Variants in ADARB2 observed in about 807,000 individuals in gnomAD.
ADARB2 encodes the protein adenosine deaminase RNA specific B2 (inactive), also known as inactive double-stranded RNA-specific editase B2.
Under a neutral mutation model 62.2 loss-of-function variants are expected in ADARB2, and 25 were observed. That is an observed-to-expected ratio of 0.40 (90% CI 0.29 to 0.56). The LOEUF (loss-of-function observed/expected upper bound fraction) is 0.56. ADARB2 is among the 20% of genes least tolerant of loss of function. ADARB2 has a pLI of 0.43. For missense variants in ADARB2, 1,071 were observed against 1,077.4 expected (o/e 0.99, Z 0.08); for synonymous variants, 572 against 500.8 (o/e 1.14, Z -1.90).
At chr10:1,421,588 C>G (rs967624307) in intron 1 of ADARB2, among the ~76,000 whole-genome samples, 1 of 152,130 alleles carries the variant, frequency 6.6e-6, no homozygotes, top group Admixed American at 6.5e-5. Context: ...TAGCAGTGAA[C>G]AAAGTGGACA....
intron 1 of ADARB2, among the ~76,000 whole-genome samples, chr10:1,712,134 G>C (rs1483288339): frequency 6.6e-6 from 1 of 152,200 alleles, no homozygotes; most frequent in Non-Finnish European, 1.5e-5. Context: ...GTTCGAAGCT[G>C]TATTTAAAAC....
At chr10:1,491,069 TTTAA>T (rs1427960917) in intron 1 of ADARB2, among the ~76,000 whole-genome samples, 1 of 152,172 alleles carries the variant, frequency 6.6e-6, no homozygotes, top group African/African-American at 2.4e-5. Flanking sequence ...TATGTATTTA[TTTAA>T]TTGTTATTAT....
At chr10:1,544,305 C>T (rs1268361646) in intron 1 of ADARB2, among the ~76,000 whole-genome samples, 1 of 152,224 alleles carries the variant, frequency 6.6e-6, no homozygotes, top group Non-Finnish European at 1.5e-5. Flanking sequence ...CGTTGGTCAC[C>T]ACCTGGTGGG....
intron 1 of ADARB2, among the ~76,000 whole-genome samples, chr10:1,721,672 G>C (rs1356048493): frequency 6.6e-6 from 1 of 152,214 alleles, no homozygotes; most frequent in Non-Finnish European, 1.5e-5. Flanking sequence ...CAAATGTACA[G>C]AGGGCCTTGT....
intron 3 of ADARB2, among the ~76,000 whole-genome samples, chr10:1,286,643 T>G (rs1012258844): frequency 6.6e-6 from 1 of 152,212 alleles, no homozygotes; most frequent in Admixed American, 6.5e-5. Flanking sequence ...CCCAGCTGCA[T>G]GACCACTACG....
At chr10:1,359,221 C>G (rs1832226212) in intron 3 of ADARB2, among the ~76,000 whole-genome samples, 1 of 152,170 alleles carries the variant, frequency 6.6e-6, no homozygotes, top group South Asian at 2.1e-4. Context: ...GGCAGGTGCA[C>G]CTGAGCAGGC....
chr10:1,564,679 A>G (rs1048394598), intron 1 of ADARB2, among the ~76,000 whole-genome samples: 5 of 152,236 alleles, frequency 3.3e-5, no homozygotes, highest in African/African-American at 1.2e-4. Flanking sequence ...ATCACTGGCC[A>G]TCAGAGAAAT....
intron 8 of ADARB2, chr10:1,187,793 G>A: frequency 2.5e-6 from 1 of 397,782 alleles, no homozygotes. Context: ...AGCGAGGGAG[G>A]CGCTGGCGGG....
At chr10:1,566,076 A>C (rs892183510) in intron 1 of ADARB2, among the ~76,000 whole-genome samples, 63 of 61,000 alleles carry the variant, frequency 1.0e-3, no homozygotes, top group Non-Finnish European at 1.6e-3. Flanking sequence ...AAAAAAAAAA[A>C]AAAAAAAAAA....
intron 1 of ADARB2, among the ~76,000 whole-genome samples, chr10:1,604,703 C>T (rs1833473064): frequency 6.6e-6 from 1 of 152,236 alleles, no homozygotes; most frequent in Non-Finnish European, 1.5e-5. Context: ...TTACCTGTAA[C>T]CGGTCCTTGT....
chr10:1,504,390 T>G (rs1043649888), intron 1 of ADARB2, among the ~76,000 whole-genome samples: 3 of 152,164 alleles, frequency 2.0e-5, no homozygotes, highest in South Asian at 2.1e-4. Flanking sequence ...CCCTCTTTAA[T>G]GGGAAATAAT....
chr10:1,664,931 G>A (rs1427655389), intron 1 of ADARB2, among the ~76,000 whole-genome samples: 1 of 152,182 alleles, frequency 6.6e-6, no homozygotes, highest in Non-Finnish European at 1.5e-5. Context: ...GTTGAGAAGG[G>A]AAATCAAGAA....
At chr10:1,724,491 C>G (rs1403409972) in intron 1 of ADARB2, among the ~76,000 whole-genome samples, 1 of 152,144 alleles carries the variant, frequency 6.6e-6, no homozygotes, top group Non-Finnish European at 1.5e-5. Flanking sequence ...AGAGCCAGTC[C>G]CCCAAACCCC....
intron 1 of ADARB2, among the ~76,000 whole-genome samples, chr10:1,439,524 G>A (rs11250517): frequency 0.016 from 1,497 of 94,196 alleles, 20 homozygotes; most frequent in East Asian, 0.084. Flanking sequence ...GGCCCTTCAC[G>A]ATGGGGCTCC....
At chr10:1,397,023 C>T (rs28645334) in intron 1 of ADARB2, among the ~76,000 whole-genome samples, 8 of 12,496 alleles carry the variant, frequency 6.4e-4, no homozygotes, top group South Asian at 5.8e-3. Flanking sequence ...TCACCATCAG[C>T]CTCTCCCCTC....
chr10:1,615,513 G>C (rs1302455345), intron 1 of ADARB2, among the ~76,000 whole-genome samples: 1 of 152,232 alleles, frequency 6.6e-6, no homozygotes, highest in Non-Finnish European at 1.5e-5. Flanking sequence ...CCACCCGGGA[G>C]AGTGTGTCTT....
intron 1 of ADARB2, among the ~76,000 whole-genome samples, chr10:1,512,414 A>G (rs1588283313): frequency 6.6e-6 from 1 of 151,006 alleles, no homozygotes; most frequent in Non-Finnish European, 1.5e-5. Context: ...TACATCAATT[A>G]AGTCTACACT....
chr10:1,643,429 C>T (rs1037566526), intron 1 of ADARB2, among the ~76,000 whole-genome samples: 4 of 152,216 alleles, frequency 2.6e-5, no homozygotes, highest in African/African-American at 7.2e-5. Context: ...TTTTCCCAGA[C>T]TGGAGGGCTA....
intron 1 of ADARB2, among the ~76,000 whole-genome samples, chr10:1,577,687 A>C (rs940824496): frequency 6.6e-6 from 1 of 152,148 alleles, no homozygotes; most frequent in Non-Finnish European, 1.5e-5. Flanking sequence ...CAGCCCCACC[A>C]TCCCTGCCGC....
Sources: allele counts gnomAD v4.1 joint callset (sites outside exome capture counted in the v4.1 genomes callset), GRCh38; gene constraint gnomAD v4.1.1; transcripts MANE v1.5; gene names NCBI Gene and HGNC (gene_info 2026-07-23, HGNC 2026-07-21).